Variants in NYX observed in about 807,000 individuals in gnomAD.
NYX encodes nyctalopin.
For synonymous variants in NYX, 258 were observed against 245.7 expected (o/e 1.05, Z -0.47); for missense variants, 481 against 485.4 (o/e 0.99, Z 0.09).
chrX:41,452,611 A>C (rs1240898351), intron 2 of NYX, among the ~76,000 whole-genome samples: 1 of 111,059 alleles, frequency 9.0e-6, no homozygotes, highest in Non-Finnish European at 1.9e-5. Flanking sequence ...GTTTGTTTCC[A>C]GTTTGAGGTG....
At chrX:41,462,723 T>C (rs2064324425) in intron 2 of NYX, among the ~76,000 whole-genome samples, 1 of 112,223 alleles carries the variant, frequency 8.9e-6, no homozygotes, top group Non-Finnish European at 1.9e-5. Context: ...TTGAGCATCT[T>C]TTCATGTGCT....
At position 41,475,163 on chromosome X, in the gene NYX, C is replaced by T; in HGVS notation, c.*264C>T. On this transcript the variant is annotated 3_prime_UTR_variant, in exon 3 of 3. Coordinates refer to ENST00000378220, the MANE Select transcript of NYX (RefSeq NM_001378477.3). ...GCCCTCGGGTGGGAAGACTAGGAAT[C>T]GGAAGCTTCTAGGGCTTCACATCCC... The T allele has an allele frequency of 2.4e-6, 1 of 413,360 alleles. No individual in the cohort carries two copies. The highest frequency in any genetic ancestry group is 3.5e-5 in the South Asian group (1 of 28,906). The allele number at this position is 413,360 out of a possible 1,213,427, so 34.1% of individuals were successfully genotyped here.
At position 41,451,999 on chromosome X, in the gene NYX, G is replaced by A. The variant is rs182600469; in HGVS notation, c.22+4073G>A. Reference sequence around the variant, plus strand: ...TGCTGTTGTTGTTGTTCTGAGACAGGGTCTTGCTCTGTTGCCCAGGCTGGA... The same window carrying A: ...TGCTGTTGTTGTTGTTCTGAGACAGAGTCTTGCTCTGTTGCCCAGGCTGGA... On this transcript the variant is annotated intron_variant, in intron 2 of 2. Transcript: ENST00000378220. Among the ~76,000 whole-genome samples the A allele has an allele frequency of 4.6e-5, 5 of 107,984 alleles. No homozygotes were observed. In the East Asian group the frequency reaches 1.5e-3, roughly 32 times the overall value. The allele number at this position is 107,984 out of a possible 115,157, so 93.8% of individuals were successfully genotyped here.
At position 41,474,401 on chromosome X, in the gene NYX, G is replaced by A. The variant is rs956143734; in HGVS notation, c.933G>A (p.Val311=). The A allele has an allele frequency of 1.7e-6, 2 of 1,207,833 alleles. No homozygotes were observed. The highest frequency in any genetic ancestry group is 1.1e-6 in the Non-Finnish European group (1 of 895,447). ...ALHLNGNRLT[V]LAWVAFQPGF... Reference sequence around the variant, plus strand: ...ACCTCAACGGCAACCGCCTCACCGTGCTCGCCTGGGTCGCCTTCCAGCCCG... The same window carrying A: ...ACCTCAACGGCAACCGCCTCACCGTACTCGCCTGGGTCGCCTTCCAGCCCG... The change falls in exon 3 of 3, where the codon GTG becomes GTA. Residue 311 remains valine (V), a synonymous_variant. Coordinates refer to ENST00000378220, the MANE Select transcript of NYX (RefSeq NM_001378477.3).
At position 41,460,876 on chromosome X, in the gene NYX, A is replaced by ATTCTTTTTTTTTT. The variant is rs1335308569; in HGVS notation, c.23-12613_23-12612insCTTTTTTTTTTTT. ...ATGTAAGCGGAGTCACACAGTATGT[A>ATTCTTTTTTTTTT]TTTTTTTTTTTTTTTTTTTTTTTTT... On this transcript the variant is annotated intron_variant, in intron 2 of 2. Transcript: ENST00000378220. Among the ~76,000 whole-genome samples, 9 of 24,781 alleles carry ATTCTTTTTTTTTT rather than the reference A, an allele frequency of 3.6e-4. 2 individuals are homozygous for ATTCTTTTTTTTTT. The highest frequency in any genetic ancestry group is 4.1e-4 in the Non-Finnish European group (6 of 14,536). The allele number at this position is 24,781 out of a possible 115,157, so 21.5% of individuals were successfully genotyped here.
At position 41,473,320 on chromosome X, in the gene NYX, G is replaced by C. The variant is rs144013130; in HGVS notation, c.23-171G>C. Among the ~76,000 whole-genome samples the C allele has an allele frequency of 7.6e-3, 849 of 111,219 alleles. 20 individuals are homozygous for C. Among genetic ancestry groups the C allele is most frequent in the Admixed American group, 0.066 (702 of 10,574 alleles). On this transcript the variant is annotated intron_variant, in intron 2 of 2. Coordinates refer to ENST00000378220, the MANE Select transcript of NYX (RefSeq NM_001378477.3). ...GTCTTAGGTGGATAAACCCGTGTGAGGCCGCGGAGGTGGGAAGAGGCCATG... is the reference window on the plus strand; with the variant it reads ...GTCTTAGGTGGATAAACCCGTGTGACGCCGCGGAGGTGGGAAGAGGCCATG...
At chrX:41,451,346 C>T (rs902065460) in intron 2 of NYX, among the ~76,000 whole-genome samples, 10 of 111,705 alleles carry the variant, frequency 9.0e-5, no homozygotes, top group African/African-American at 1.3e-4. Flanking sequence ...GCTTTAGTCA[C>T]GATAGGCTGA....
intron 2 of NYX, among the ~76,000 whole-genome samples, chrX:41,455,068 A>C (rs1259737041): frequency 9.0e-6 from 1 of 111,413 alleles, no homozygotes. Flanking sequence ...CAGATGAGGA[A>C]ACTGAGAGAC....
intron 2 of NYX, among the ~76,000 whole-genome samples, chrX:41,463,824 G>A (rs5963993): frequency 0.038 from 4,206 of 111,258 alleles, 111 homozygotes; most frequent in African/African-American, 0.091. Context: ...CCCCCCATCG[G>A]CCTCCCAAAG....
At chrX:41,463,589 AT>A (rs2064328210) in intron 2 of NYX, among the ~76,000 whole-genome samples, 1 of 110,300 alleles carries the variant, frequency 9.1e-6, no homozygotes, top group Non-Finnish European at 1.9e-5. Flanking sequence ...CACCCAGCTA[AT>A]TTTTGTATTT....
chrX:41,450,136 C>T (rs750808023), intron 2 of NYX, among the ~76,000 whole-genome samples: 2 of 112,160 alleles, frequency 1.8e-5, no homozygotes, highest in Non-Finnish European at 3.8e-5. Context: ...TCCACCTCCT[C>T]CCCCCATGTT....
rs2064372479 is a variant in NYX, at chrX:41,473,663, C to G, written c.195C>G (p.Asp65Glu). ...GCGAGGCGGTCTCCATCGACCTGGA[C>G]CGGAACGGCCTGCGCTTCCTGGGCG... Reference protein sequence around the residue: ...LPCEAVSIDLDRNGLRFLGER... With the variant: ...LPCEAVSIDLERNGLRFLGER... The change falls in exon 3 of 3, where the codon GAC (aspartate) becomes GAG (glutamate). Residue 65 changes from aspartate to glutamate, a missense_variant. Coordinates refer to ENST00000378220, the MANE Select transcript of NYX (RefSeq NM_001378477.3). 32 of 1,109,451 alleles carry G rather than the reference C, an allele frequency of 2.9e-5. No individual in the cohort carries two copies. The highest frequency in any genetic ancestry group is 3.6e-5 in the Non-Finnish European group (31 of 849,573). 91.4% of individuals were successfully genotyped at this position (1,109,451 alleles called of 1,213,427 possible).
chrX:41,474,324 G>A lies in NYX; in HGVS notation c.856G>A (p.Ala286Thr), dbSNP rs139601761. The change falls in exon 3 of 3, where the codon GCC (alanine) becomes ACC (threonine). Residue 286 changes from alanine to threonine, a missense_variant. Physicochemically the swap from Ala to Thr is moderately conservative, Grantham distance 58. Transcript: ENST00000378220. ...GCTCTACCTGGACCGCAACAGCATC[G>A]CCTTCGTGGAGGAGGGCGCCTTCCA... ...ELLYLDRNSI[A>T]FVEEGAFQNL... 4 of 1,207,551 alleles carry A rather than the reference G, an allele frequency of 3.3e-6. No homozygotes were observed. The African/African-American group carries it at 6.9e-5, about 21-fold the overall frequency.
chrX:41,469,992 C>G (rs1353708706), intron 2 of NYX, among the ~76,000 whole-genome samples: 1 of 110,466 alleles, frequency 9.1e-6, no homozygotes, highest in Non-Finnish European at 1.9e-5. Context: ...TTCTAGCAGG[C>G]AAGGACTGGT....
chrX:41,454,872 G>T (rs1240745764), intron 2 of NYX, among the ~76,000 whole-genome samples: 1 of 111,486 alleles, frequency 9.0e-6, no homozygotes, highest in African/African-American at 3.3e-5. Flanking sequence ...TTCCCAAAGT[G>T]CTGGGATCAC....
Position 41,475,198 on chromosome X carries a change from C to G in NYX, c.*299C>G, listed in dbSNP as rs550775335. The G allele has an allele frequency of 2.7e-6, 1 of 363,691 alleles. No homozygotes were observed. The highest frequency in any genetic ancestry group is 2.6e-5 in the African/African-American group (1 of 38,909). 30.0% of individuals were successfully genotyped at this position (363,691 alleles called of 1,213,427 possible). A position where few individuals can be genotyped will look rare whatever the true frequency, so the allele number is the denominator to read the frequency against. ...TAGGGCTTCACATCCCTTCCCCTCC[C>G]CTCCCCTTCCCCTCATCTTCCAGGC... On this transcript the variant is annotated 3_prime_UTR_variant, in exon 3 of 3. Coordinates refer to ENST00000378220, the MANE Select transcript of NYX (RefSeq NM_001378477.3).
intron 2 of NYX, among the ~76,000 whole-genome samples, chrX:41,454,147 G>A (rs2064291020): frequency 9.0e-6 from 1 of 111,597 alleles, no homozygotes; most frequent in Admixed American, 9.6e-5. Flanking sequence ...TCTGATGTAT[G>A]GCCTGGGCAC....
chrX:41,471,946 G>A (rs973655362), intron 2 of NYX, among the ~76,000 whole-genome samples: 2 of 109,806 alleles, frequency 1.8e-5, no homozygotes, highest in African/African-American at 6.6e-5. Context: ...ACTTCCCCCT[G>A]TGCAGTTTGT....
At position 41,474,796 on chromosome X, in the gene NYX, C is replaced by T; in HGVS notation, c.1328C>T (p.Ser443Phe). 8.3e-7 allele frequency: 1 copy of T among 1,201,771 alleles called. No individual in the cohort carries two copies. Among genetic ancestry groups the T allele is most frequent in the Non-Finnish European group, 1.1e-6 (1 of 891,444 alleles). The change falls in exon 3 of 3, where the codon TCC becomes TTC. Residue 443 changes from serine (S) to phenylalanine (F), a missense_variant. Coordinates refer to ENST00000378220, the MANE Select transcript of NYX (RefSeq NM_001378477.3). ...GCCTCCCTGTCCGACAGCCTCTCCTCCCGTGGGGTGGGAGGCGCGGGCCGG... is the reference window on the plus strand; with the variant it reads ...GCCTCCCTGTCCGACAGCCTCTCCTTCCGTGGGGTGGGAGGCGCGGGCCGG... ...ANASLSDSLS[S>F]RGVGGAGRQP...
Sources: gnomAD v4.1 joint callset for allele counts (sites outside exome capture counted in the v4.1 genomes callset) on GRCh38, gnomAD v4.1.1 for gene constraint, MANE v1.5 for transcripts, NCBI Gene and HGNC (gene_info 2026-07-23, HGNC 2026-07-21) for gene names.